The following PSEN1 variants were observed in gnomAD, a reference collection of about 807,000 sequenced individuals.
PSEN1 encodes presenilin 1.
A neutral mutation model predicts 53.5 loss-of-function variants in PSEN1; 15 were observed. The ratio of observed to expected loss-of-function variants is 0.28; its 90% confidence interval spans 0.19 to 0.43. The LOEUF is 0.43. Among genes scored for constraint, PSEN1 ranks in the 20% least tolerant of loss-of-function variants. The pLI, the probability that PSEN1 is intolerant of heterozygous loss-of-function variation, is 1.00. For synonymous variants in PSEN1, 208 were observed against 209.8 expected (o/e 0.99, Z 0.08); for missense variants, 387 against 571.2 (o/e 0.68, Z 3.29).
In PSEN1 at chr14:73,187,313, T is replaced by C. The variant is rs139941526; in HGVS notation, c.548+393T>C. Among the ~76,000 whole-genome samples the C allele has an allele frequency of 3.3e-5, 5 of 152,342 alleles. No homozygotes were observed. The East Asian group carries it at 9.6e-4, about 29-fold the overall frequency. Reference sequence around the variant, plus strand: ...CTTTTTTCTTTCAAATGAAATCTTATATGAAATTTTCATATATAATATAGA... The same window carrying C: ...CTTTTTTCTTTCAAATGAAATCTTACATGAAATTTTCATATATAATATAGA... On this transcript the variant is annotated intron_variant, in intron 6 of 11. Transcript: ENST00000324501.
At chr14:73,191,731 A>G (rs1252368035) in intron 6 of PSEN1, among the ~76,000 whole-genome samples, 1 of 151,930 alleles carries the variant, frequency 6.6e-6, no homozygotes, top group Non-Finnish European at 1.5e-5. Context: ...ATTTTTTTGT[A>G]GTGATAGAGT....
chr14:73,175,693 T>C (rs973039641), intron 5 of PSEN1, among the ~76,000 whole-genome samples: 13 of 152,242 alleles, frequency 8.5e-5, no homozygotes, highest in African/African-American at 2.9e-4. Flanking sequence ...TTCTCAAATG[T>C]CCCTGATGTT....
At chr14:73,184,689 G>A (rs1168065074) in intron 5 of PSEN1, among the ~76,000 whole-genome samples, 1 of 150,616 alleles carries the variant, frequency 6.6e-6, no homozygotes, top group Non-Finnish European at 1.5e-5. Context: ...TGGCGGGGCG[G>A]GGGGCTGACC....
chr14:73,223,211 C>T lies in PSEN1; in HGVS notation c.*3922C>T, dbSNP rs951566513. 3.9e-5 allele frequency: 6 copies of T among 152,330 alleles called. No individual in the cohort carries two copies. Among genetic ancestry groups the T allele is most frequent in the Non-Finnish European group, 5.9e-5 (4 of 68,042 alleles). 9.4% of individuals were successfully genotyped at this position (152,330 alleles called of 1,614,324 possible). On this transcript the variant is annotated 3_prime_UTR_variant, in exon 12 of 12. Transcript: ENST00000324501. ...CCTCAGATTTGCATATAAAAAAGCA[C>T]CCTGGTGCTGAAATGAACCCCTTTC...
In PSEN1 at chr14:73,219,175, A is replaced by G; in HGVS notation, c.1290A>G (p.Lys430=). The G allele has an allele frequency of 6.2e-7, 1 of 1,614,088 alleles. No homozygotes were observed. Among genetic ancestry groups the G allele is most frequent in the Non-Finnish European group, 8.5e-7 (1 of 1,179,912 alleles). The part of the protein sequence containing the change: ...LTLLLLAIFK[K]ALPALPISIT... ...TATTACTCCTTGCCATTTTCAAGAA[A>G]GCATTGCCAGCTCTTCCAATCTCCA... The change falls in exon 12 of 12, where the codon AAA becomes AAG. Residue 430 remains lysine (K), a synonymous_variant. Coordinates refer to ENST00000324501, the MANE Select transcript of PSEN1 (RefSeq NM_000021.4).
chr14:73,147,418 T>G (rs970332191), intron 1 of PSEN1: 4 of 161,498 alleles, frequency 2.5e-5, no homozygotes, highest in Non-Finnish European at 2.7e-5. Context: ...GTGATAAGGA[T>G]AAGATGACAT....
chr14:73,201,276 C>T (rs572470222), intron 8 of PSEN1, among the ~76,000 whole-genome samples: 5 of 152,172 alleles, frequency 3.3e-5, no homozygotes, highest in South Asian at 2.1e-4. Flanking sequence ...TTAGTAGCAA[C>T]GGGGTTTCAC....
At chr14:73,154,111 G>A (rs1401466218) in intron 3 of PSEN1, among the ~76,000 whole-genome samples, 1 of 152,034 alleles carries the variant, frequency 6.6e-6, no homozygotes, top group Non-Finnish European at 1.5e-5. Flanking sequence ...TTATAACCAC[G>A]TAGGCATGTT....
intron 3 of PSEN1, among the ~76,000 whole-genome samples, chr14:73,162,097 C>G (rs183906237): frequency 1.3e-5 from 2 of 149,788 alleles, no homozygotes; most frequent in Non-Finnish European, 3.0e-5. Context: ...GAGAATCACT[C>G]TAACCTGGGA....
chr14:73,216,048 A>G (rs1482794884), intron 10 of PSEN1, among the ~76,000 whole-genome samples: 2 of 152,134 alleles, frequency 1.3e-5, no homozygotes, highest in African/African-American at 4.8e-5. Flanking sequence ...AAAACAATCC[A>G]GATGTCCATC....
Position 73,198,349 on chromosome 14 carries a change from T to C in PSEN1, c.868+220T>C, listed in dbSNP as rs114499894. Among the ~76,000 whole-genome samples, 368 of 152,328 alleles carry C rather than the reference T, an allele frequency of 2.4e-3. 2 individuals are homozygous for C. Among genetic ancestry groups the C allele is most frequent in the African/African-American group, 8.4e-3 (348 of 41,572 alleles). On this transcript the variant is annotated intron_variant, in intron 8 of 11. Transcript: ENST00000324501. ...TATGAATAGAAAGAAAGAAAATGTT[T>C]AGATATTGGGGAACCAGCATTCCCA...
At chr14:73,192,017 C>T (rs986973451) in intron 6 of PSEN1, among the ~76,000 whole-genome samples, 4 of 151,894 alleles carry the variant, frequency 2.6e-5, no homozygotes, top group African/African-American at 4.8e-5. Flanking sequence ...TTTTCCTCTT[C>T]GTACTCATTT....
At chr14:73,209,012 G>GC (rs1899569713) in intron 9 of PSEN1, 1 of 374,384 alleles carries the variant, frequency 2.7e-6, no homozygotes, top group Non-Finnish European at 5.3e-6. Context: ...GCATGTCAGT[G>GC]CTGCCCCAAG....
intron 10 of PSEN1, among the ~76,000 whole-genome samples, chr14:73,212,962 T>C (rs906918588): frequency 2.0e-5 from 3 of 152,374 alleles, no homozygotes; most frequent in Middle Eastern, 3.4e-3. Flanking sequence ...CTTAGCATCT[T>C]TAATCATTAG....
At chr14:73,180,184 C>T (rs1898168100) in intron 5 of PSEN1, among the ~76,000 whole-genome samples, 1 of 152,080 alleles carries the variant, frequency 6.6e-6, no homozygotes, top group African/African-American at 2.4e-5. Context: ...GAGGGTTCCC[C>T]ATGTTGCCCA....
At chr14:73,200,103 G>C (rs1468844287) in intron 8 of PSEN1, among the ~76,000 whole-genome samples, 1 of 152,124 alleles carries the variant, frequency 6.6e-6, no homozygotes, top group Non-Finnish European at 1.5e-5. Context: ...GTGTGTCTGA[G>C]AGAGAAAGAG....
chr14:73,193,887 G>A (rs1488243056), intron 7 of PSEN1, among the ~76,000 whole-genome samples: 2 of 152,034 alleles, frequency 1.3e-5, no homozygotes, highest in Admixed American at 6.6e-5. Flanking sequence ...GAACTCTTGG[G>A]CTCAAGCAAT....
chr14:73,211,802 A>G lies in PSEN1; in HGVS notation c.989A>G (p.Glu330Gly). Residue 330 changes from glutamate (E) to glycine (G), a missense_variant, in exon 10 of 12, where the codon GAG (glutamate) becomes GGG (glycine). Physicochemically the swap from Glu to Gly is moderately conservative, Grantham distance 98. Coordinates refer to ENST00000324501, the MANE Select transcript of PSEN1 (RefSeq NM_000021.4). Reference sequence around the variant, plus strand: ...AGGGAGTCACAAGACACTGTTGCAGAGAATGATGATGGCGGGTTCAGTGAG... The same window carrying G: ...AGGGAGTCACAAGACACTGTTGCAGGGAATGATGATGGCGGGTTCAGTGAG... ...TERESQDTVA[E>G]NDDGGFSEEW... The G allele has an allele frequency of 1.2e-6, 2 of 1,614,148 alleles. No individual in the cohort carries two copies. The highest frequency in any genetic ancestry group is 1.7e-6 in the Non-Finnish European group (2 of 1,180,018).
chr14:73,160,803 C>CTTTTTT (rs34048372), intron 3 of PSEN1, among the ~76,000 whole-genome samples: 56 of 84,706 alleles, frequency 6.6e-4, no homozygotes, highest in African/African-American at 9.1e-4. Context: ...AATTGTAGGA[C>CTTTTTT]TTTTTTTTTT....
Sources: allele counts gnomAD v4.1 joint callset (sites outside exome capture counted in the v4.1 genomes callset), GRCh38; gene constraint gnomAD v4.1.1; transcripts MANE v1.5; gene names NCBI Gene and HGNC (gene_info 2026-07-23, HGNC 2026-07-21).